Variants in EXOC6B observed in about 807,000 individuals in gnomAD.
The protein encoded by EXOC6B is SEC15 homolog B.
In EXOC6B, 54 loss-of-function variants were observed where a neutral mutation model predicts 113.5. That is an observed-to-expected ratio of 0.48 (90% CI 0.38 to 0.60). The LOEUF (loss-of-function observed/expected upper bound fraction) is 0.60, where lower values mean the gene tolerates loss of function less well. EXOC6B is among the 20% of genes least tolerant of loss of function. EXOC6B has a pLI of 0.00. For synonymous variants in EXOC6B, 357 were observed against 339.0 expected (o/e 1.05, Z -0.58); for missense variants, 797 against 977.5 (o/e 0.82, Z 2.46).
chr2:72,664,209 G>A (rs1031052497), intron 6 of EXOC6B, among the ~76,000 whole-genome samples: 1 of 152,030 alleles, frequency 6.6e-6, no homozygotes, highest in Non-Finnish European at 1.5e-5. Flanking sequence ...CAGCAAGGAA[G>A]TGCTGCTCCC....
intron 18 of EXOC6B, among the ~76,000 whole-genome samples, chr2:72,456,667 T>G (rs1240590019): frequency 1.3e-5 from 2 of 152,140 alleles, no homozygotes; most frequent in African/African-American, 4.8e-5. Context: ...CATCATAAAA[T>G]GTAATAATAA....
intron 1 of EXOC6B, among the ~76,000 whole-genome samples, chr2:72,821,074 T>C (rs919430698): frequency 6.6e-6 from 1 of 152,020 alleles, no homozygotes; most frequent in Non-Finnish European, 1.5e-5. Context: ...AATCACAGAA[T>C]AGGATATAGT....
intron 21 of EXOC6B, among the ~76,000 whole-genome samples, chr2:72,180,857 G>A (rs551400843): frequency 6.6e-6 from 1 of 152,266 alleles, no homozygotes; most frequent in South Asian, 2.1e-4. Context: ...TGGCAAAAAG[G>A]TTCTAATGAG....
At chr2:72,568,093 T>G (rs1704294352) in intron 7 of EXOC6B, among the ~76,000 whole-genome samples, 1 of 152,002 alleles carries the variant, frequency 6.6e-6, no homozygotes, top group African/African-American at 2.4e-5. Context: ...TTAACCAATG[T>G]ATGCCTCCAG....
At chr2:72,789,563 T>C (rs1207286543) in intron 1 of EXOC6B, among the ~76,000 whole-genome samples, 4 of 152,234 alleles carry the variant, frequency 2.6e-5, no homozygotes, top group Non-Finnish European at 5.9e-5. Context: ...TGAATATGTT[T>C]GTATCATGAT....
chr2:72,599,151 C>T (rs1267570196), intron 6 of EXOC6B, among the ~76,000 whole-genome samples: 1 of 151,922 alleles, frequency 6.6e-6, no homozygotes, highest in African/African-American at 2.4e-5. Flanking sequence ...GATGTAAACA[C>T]CCTCAACAAA....
intron 18 of EXOC6B, 113 bp from the exon 19 acceptor site, chr2:72,379,983 T>C (rs1440467079): frequency 9.9e-7 from 1 of 1,009,712 alleles, no homozygotes; most frequent in East Asian, 2.7e-5. Context: ...CCTAAGGTTC[T>C]CCTCATCATA....
intron 1 of EXOC6B, among the ~76,000 whole-genome samples, chr2:72,766,179 T>G (rs534463516): frequency 6.6e-6 from 1 of 152,074 alleles, no homozygotes; most frequent in Non-Finnish European, 1.5e-5. Context: ...TGGAGGACAA[T>G]AGCATTAAGG....
chr2:72,194,900 T>C (rs1679078078), intron 20 of EXOC6B, among the ~76,000 whole-genome samples: 1 of 152,060 alleles, frequency 6.6e-6, no homozygotes, highest in Non-Finnish European at 1.5e-5. Flanking sequence ...CTCCTCTTCT[T>C]TTCCCTAGTT....
At position 72,334,955 on chromosome 2, in the gene EXOC6B, A is replaced by G; in HGVS notation, c.2188T>C (p.Leu730=). 6.2e-7 allele frequency: 1 copy of G among 1,613,378 alleles called. No homozygotes were observed. The highest frequency in any genetic ancestry group is 8.5e-7 in the Non-Finnish European group (1 of 1,179,496). ...EDTLQLAFID[L]RQLLDLFIQW... Reference sequence around the variant, plus strand: ...AAAACACAAAGACTTACTTGTCTCAAGTCGATGAAGGCCAACTGCAGCGTG... The same window carrying G: ...AAAACACAAAGACTTACTTGTCTCAGGTCGATGAAGGCCAACTGCAGCGTG... The change falls in exon 20 of 22, where the codon TTG becomes CTG. Residue 730 remains leucine, a synonymous_variant. Transcript: ENST00000272427.
chr2:72,235,269 C>T (rs1681885777), intron 20 of EXOC6B, among the ~76,000 whole-genome samples: 1 of 152,030 alleles, frequency 6.6e-6, no homozygotes, highest in Admixed American at 6.6e-5. Context: ...GAGCTAGAAG[C>T]CATAATACTA....
chr2:72,245,703 G>T (rs1291385673), intron 20 of EXOC6B, among the ~76,000 whole-genome samples: 2 of 152,104 alleles, frequency 1.3e-5, no homozygotes, highest in Non-Finnish European at 2.9e-5. Context: ...ATTCTGTAAT[G>T]ATATATAATG....
chr2:72,441,323 C>A (rs1696186348), intron 18 of EXOC6B, among the ~76,000 whole-genome samples: 4 of 151,904 alleles, frequency 2.6e-5, no homozygotes, highest in Admixed American at 2.6e-4. Context: ...TCTAACATCA[C>A]AACTAAAAGA....
At chr2:72,197,585 T>C (rs992285692) in intron 20 of EXOC6B, among the ~76,000 whole-genome samples, 1 of 151,432 alleles carries the variant, frequency 6.6e-6, no homozygotes, top group East Asian at 1.9e-4. Flanking sequence ...CAAGATGGAC[T>C]AGAGGAGAAA....
At chr2:72,799,239 C>CA (rs956224881) in intron 1 of EXOC6B, among the ~76,000 whole-genome samples, 883 of 41,104 alleles carry the variant, frequency 0.021, 44 homozygotes, top group East Asian at 0.033. Context: ...GACCCTGTCT[C>CA]AAAAAAAAAA....
At chr2:72,195,657 C>T (rs1047424473) in intron 20 of EXOC6B, among the ~76,000 whole-genome samples, 3 of 152,072 alleles carry the variant, frequency 2.0e-5, no homozygotes. Context: ...GCAAAGAGAC[C>T]ACAGAGTGAA....
chr2:72,299,279 C>T (rs1435687667), intron 20 of EXOC6B, among the ~76,000 whole-genome samples: 1 of 151,592 alleles, frequency 6.6e-6, no homozygotes, highest in Non-Finnish European at 1.5e-5. Flanking sequence ...ATCAATTCGG[C>T]TATTGATACT....
chr2:72,454,793 C>T (rs1949377), intron 18 of EXOC6B, among the ~76,000 whole-genome samples: 33,652 of 151,990 alleles, frequency 0.22, 6,077 homozygotes, highest in African/African-American at 0.5. Flanking sequence ...GTAATAGTAG[C>T]TTTATGGGGA....
chr2:72,783,775 A>G (rs1684212125), intron 1 of EXOC6B, among the ~76,000 whole-genome samples: 1 of 152,012 alleles, frequency 6.6e-6, no homozygotes, highest in South Asian at 2.1e-4. Context: ...AGTTGCAAAT[A>G]TTTTCTCCCA....
Sources: allele counts gnomAD v4.1 joint callset (sites outside exome capture counted in the v4.1 genomes callset), GRCh38; gene constraint gnomAD v4.1.1; transcripts MANE v1.5; gene names NCBI Gene and HGNC (gene_info 2026-07-23, HGNC 2026-07-21).